The following ELMO1 variants were observed in gnomAD, a reference collection of about 807,000 sequenced individuals.
ELMO1 encodes the protein engulfment and cell motility protein 1.
A neutral mutation model predicts 98.9 loss-of-function variants in ELMO1; 26 were observed. That is an observed-to-expected ratio of 0.26 (90% CI 0.19 to 0.36). The LOEUF is 0.36. Among genes scored for constraint, ELMO1 ranks in the 10% least tolerant of loss-of-function variants. The probability of loss-of-function intolerance (pLI) is 1.00; values close to 1 mark genes in which losing one functional copy is unlikely to be tolerated. For missense variants in ELMO1, 627 were observed against 935.2 expected (o/e 0.67, Z 4.30); for synonymous variants, 346 against 346.0 (o/e 1.00, Z 0.00).
intron 15 of ELMO1, among the ~76,000 whole-genome samples, chr7:37,058,568 T>C (rs1382513892): frequency 1.3e-5 from 2 of 152,150 alleles, no homozygotes; most frequent in African/African-American, 2.4e-5. Flanking sequence ...CTGGAGGTAC[T>C]GACGCGAAAT....
At chr7:37,048,992 A>T (rs1292788024) in intron 15 of ELMO1, among the ~76,000 whole-genome samples, 2 of 152,140 alleles carry the variant, frequency 1.3e-5, no homozygotes, top group African/African-American at 4.8e-5. Flanking sequence ...GGTGAGGGAG[A>T]CCCACTGGGA....
chr7:37,034,446 T>C, intron 15 of ELMO1, among the ~76,000 whole-genome samples: 1 of 152,156 alleles, frequency 6.6e-6, no homozygotes, highest in East Asian at 1.9e-4. Context: ...TGTGGTACAG[T>C]TGACCTATGA....
rs185983170 is a variant in ELMO1, at chr7:37,316,174, T to A, written c.79-214A>T. On this transcript the variant is annotated intron_variant, in intron 2 of 21. Transcript: ENST00000310758. ...AATGATTTATTACCCCTGTGGTCCT[T>A]TTTTCTATACTTAGCATATTAGTTG... Among the ~76,000 whole-genome samples the A allele has an allele frequency of 1.5e-3, 224 of 152,334 alleles. 1 individual carries two copies. Among genetic ancestry groups the A allele is most frequent in the Non-Finnish European group, 1.9e-3 (129 of 68,032 alleles).
chr7:36,870,983 A>C lies in ELMO1; in HGVS notation c.1823-508T>G, dbSNP rs1803456171. ...TATCTCAAAAAATTTATCCAACTCT[A>C]AACAGTTCTGAACTCTCACTCTCCA... On this transcript the variant is annotated intron_variant, in intron 19 of 21. Transcript: ENST00000310758. This position sits in a 1 kb window ranked among gnomAD's most constrained non-coding sequence, Gnocchi z 4.4. Among the ~76,000 whole-genome samples the C allele has an allele frequency of 6.6e-6, 1 of 152,222 alleles. No homozygotes were observed. The highest frequency in any genetic ancestry group is 6.5e-5 in the Admixed American group (1 of 15,284).
chr7:36,890,533 C>T (rs184312047), intron 17 of ELMO1, among the ~76,000 whole-genome samples: 165 of 152,294 alleles, frequency 1.1e-3, no homozygotes, highest in Non-Finnish European at 2.1e-3. Flanking sequence ...GGCCCCAAAC[C>T]GTGAGTTCAT....
intron 16 of ELMO1, among the ~76,000 whole-genome samples, chr7:36,945,563 T>C (rs915564360): frequency 7.9e-5 from 12 of 152,256 alleles, no homozygotes; most frequent in African/African-American, 1.7e-4. Context: ...CTTAGTTGCA[T>C]AGTTGAAAAA....
chr7:37,446,558 G>C (rs1805626539), intron 1 of ELMO1, among the ~76,000 whole-genome samples: 2 of 152,180 alleles, frequency 1.3e-5, no homozygotes, highest in South Asian at 4.1e-4. Context: ...CCTAGGGAGA[G>C]AACTCAGTGA....
At chr7:37,217,698 C>T (rs532420129) in intron 10 of ELMO1, 13 of 457,008 alleles carry the variant, frequency 2.8e-5, no homozygotes, top group African/African-American at 6.0e-5. Context: ...ACAAAGGGAA[C>T]GTGGGTGACT....
chr7:36,944,562 C>G (rs1787317900), intron 16 of ELMO1, among the ~76,000 whole-genome samples: 1 of 152,226 alleles, frequency 6.6e-6, no homozygotes, highest in Admixed American at 6.5e-5. Flanking sequence ...CTAAGTTCTA[C>G]TGGTGAATAT....
In ELMO1 at chr7:37,163,547, T is replaced by G. The variant is rs201790674; in HGVS notation, c.1087-30313A>C. 1.7e-4 allele frequency among the ~76,000 whole-genome samples: 26 copies of G among 151,168 alleles called. 1 individual carries two copies. The South Asian group carries it at 5.3e-3, about 31-fold the overall frequency. ...CGTGATGTTCCCCTTCCTGTGTCCA[T>G]TGATCTCATTGTTCAATTCCCACCT... On this transcript the variant is annotated intron_variant, in intron 13 of 21. Coordinates refer to ENST00000310758, the MANE Select transcript of ELMO1 (RefSeq NM_014800.11).
At chr7:37,159,608 G>C (rs1789055484) in intron 13 of ELMO1, among the ~76,000 whole-genome samples, 1 of 152,156 alleles carries the variant, frequency 6.6e-6, no homozygotes. Flanking sequence ...GCTGAGGCAA[G>C]AGAATCACTT....
Position 37,444,674 on chromosome 7 carries a change from G to A in ELMO1, c.-74+4001C>T, listed in dbSNP as rs530659684. On this transcript the variant is annotated intron_variant, in intron 1 of 21. Transcript: ENST00000310758. ...ACTACAGGCACCCACTACCACGCCCGGCTAATTTTTTTTGTATTTTCAATA... is the reference window on the plus strand; with the variant it reads ...ACTACAGGCACCCACTACCACGCCCAGCTAATTTTTTTTGTATTTTCAATA... Among the ~76,000 whole-genome samples, 71 of 139,694 alleles carry A rather than the reference G, an allele frequency of 5.1e-4. 1 individual carries two copies. The highest frequency in any genetic ancestry group is 8.2e-4 in the Admixed American group (12 of 14,590). The allele number at this position is 139,694 out of a possible 152,430, so 91.6% of individuals were successfully genotyped here. A position where few individuals can be genotyped will look rare whatever the true frequency, so the allele number is the denominator to read the frequency against.
At chr7:37,230,442 T>A (rs1247814531) in intron 8 of ELMO1, among the ~76,000 whole-genome samples, 1 of 151,834 alleles carries the variant, frequency 6.6e-6, no homozygotes, top group Non-Finnish European at 1.5e-5. Flanking sequence ...CACAGGTGCA[T>A]GATGAGGAGG....
chr7:36,868,774 C>A (rs1017470269), intron 20 of ELMO1, among the ~76,000 whole-genome samples: 6 of 152,118 alleles, frequency 3.9e-5, no homozygotes, highest in Admixed American at 2.0e-4. Context: ...CACTTGAATT[C>A]TGGCAGGTTG....
intron 16 of ELMO1, chr7:36,997,693 G>A (rs1274700074): frequency 6.6e-6 from 1 of 152,384 alleles, no homozygotes; most frequent in Non-Finnish European, 1.5e-5. Flanking sequence ...AGACGATGAG[G>A]GTGGAATTCT....
chr7:36,861,914 C>T (rs1802665111), intron 20 of ELMO1, 178 bp from the exon 21 acceptor site: 1 of 627,596 alleles, frequency 1.6e-6, no homozygotes. Context: ...GATTCCTTCT[C>T]TCCATTCACG....
rs531135215 is a variant in ELMO1, at chr7:37,093,822, C to A, written c.1300+2797G>T. On this transcript the variant is annotated intron_variant, in intron 15 of 21. Coordinates refer to ENST00000310758, the MANE Select transcript of ELMO1 (RefSeq NM_014800.11). Reference sequence around the variant, plus strand: ...CAGAAACATGAATGTGTTTTGTAAGCCTTGACAAATTTCCAGAATGGGCTT... The same window carrying A: ...CAGAAACATGAATGTGTTTTGTAAGACTTGACAAATTTCCAGAATGGGCTT... 6.6e-5 allele frequency among the ~76,000 whole-genome samples: 10 copies of A among 152,238 alleles called. No homozygotes were observed. In the East Asian group the frequency reaches 1.9e-3, roughly 29 times the overall value.
chr7:37,216,910 A>G (rs1793316429), intron 10 of ELMO1, among the ~76,000 whole-genome samples: 1 of 152,220 alleles, frequency 6.6e-6, no homozygotes, highest in Non-Finnish European at 1.5e-5. Context: ...AAGGAAAGAT[A>G]TCTGGCACCT....
chr7:37,234,750 CA>C (rs1399704755), intron 7 of ELMO1, among the ~76,000 whole-genome samples: 1 of 152,148 alleles, frequency 6.6e-6, no homozygotes, highest in Non-Finnish European at 1.5e-5. Context: ...TGAAAACAAG[CA>C]AACATGCTTA....
Sources: gnomAD v4.1 joint callset for allele counts (sites outside exome capture counted in the v4.1 genomes callset) on GRCh38, gnomAD v4.1.1 for gene constraint, Gnocchi (gnomAD v3.1) non-coding constraint, MANE v1.5 for transcripts, NCBI Gene and HGNC (gene_info 2026-07-23, HGNC 2026-07-21) for gene names.